The following MYO3B variants were observed in gnomAD, a reference collection of about 807,000 sequenced individuals.
MYO3B encodes myosin IIIB, also known as myosin-IIIb.
A neutral mutation model predicts 174.6 loss-of-function variants in MYO3B; 156 were observed. The ratio of observed to expected loss-of-function variants is 0.89; its 90% CI spans 0.78 to 1.02. The LOEUF (loss-of-function observed/expected upper bound fraction) is 1.02, where lower values mean the gene tolerates loss of function less well. Among genes scored for constraint, MYO3B ranks in the 50% least tolerant of loss-of-function variants. The probability of loss-of-function intolerance (pLI) is 0.00; values close to 1 mark genes in which losing one functional copy is unlikely to be tolerated. For missense variants in MYO3B, 1,632 were observed against 1,639.4 expected (o/e 1.00, Z 0.08); for synonymous variants, 563 against 569.1 (o/e 0.99, Z 0.15).
At chr2:170,198,842 TA>T (rs35483045) in intron 1 of MYO3B, among the ~76,000 whole-genome samples, 63,108 of 151,880 alleles carry the variant, frequency 0.42, 13,157 homozygotes, top group African/African-American at 0.48. Context: ...ATGTTAGACT[TA>T]ACAGTTTTCA....
chr2:170,634,215 C>G (rs1335916064), intron 32 of MYO3B, among the ~76,000 whole-genome samples: 2 of 152,218 alleles, frequency 1.3e-5, no homozygotes, highest in Admixed American at 6.5e-5. Flanking sequence ...GGACTTCAAA[C>G]AATACTACAA....
chr2:170,243,870 T>C (rs1170499263), intron 7 of MYO3B, among the ~76,000 whole-genome samples: 1 of 152,186 alleles, frequency 6.6e-6, no homozygotes, highest in Non-Finnish European at 1.5e-5. Context: ...CTACTTACAT[T>C]GCATCTATGT....
At chr2:170,431,735 G>A (rs956117806) in intron 22 of MYO3B, among the ~76,000 whole-genome samples, 1 of 152,198 alleles carries the variant, frequency 6.6e-6, no homozygotes, top group African/African-American at 2.4e-5. Flanking sequence ...GAGTGAATTT[G>A]TTATCTGTGC....
At chr2:170,400,689 C>A (rs761817051) in intron 17 of MYO3B, among the ~76,000 whole-genome samples, 1 of 149,348 alleles carries the variant, frequency 6.7e-6, no homozygotes, top group Non-Finnish European at 1.5e-5. Flanking sequence ...ATTCACCCAG[C>A]CTGCTGGTCT....
chr2:170,460,662 A>C (rs756324043), intron 23 of MYO3B, among the ~76,000 whole-genome samples: 40 of 152,194 alleles, frequency 2.6e-4, no homozygotes, highest in Non-Finnish European at 4.6e-4. Context: ...GACAGAATTT[A>C]AAGTCCTGTT....
chr2:170,280,909 T>C (rs1045381515), intron 7 of MYO3B, among the ~76,000 whole-genome samples: 3 of 152,212 alleles, frequency 2.0e-5, no homozygotes, highest in Non-Finnish European at 4.4e-5. Context: ...TTTAGTAATA[T>C]GATGCCTCCA....
chr2:170,318,039 AG>A (rs2093787985), intron 7 of MYO3B, among the ~76,000 whole-genome samples: 1 of 152,168 alleles, frequency 6.6e-6, no homozygotes, highest in Non-Finnish European at 1.5e-5. Context: ...ATTTTCCTCA[AG>A]TTTGTTTTCT....
intron 30 of MYO3B, among the ~76,000 whole-genome samples, chr2:170,542,129 G>A (rs1000399435): frequency 6.6e-6 from 1 of 152,136 alleles, no homozygotes; most frequent in African/African-American, 2.4e-5. Context: ...ACATGTGTGC[G>A]TGTGTGTGAG....
chr2:170,528,055 A>G (rs1013195815), intron 30 of MYO3B, among the ~76,000 whole-genome samples: 3 of 152,214 alleles, frequency 2.0e-5, no homozygotes, highest in Non-Finnish European at 2.9e-5. Context: ...ATTTACCTTG[A>G]GTTTGATTTG....
chr2:170,574,050 A>G (rs1455426029), intron 32 of MYO3B, among the ~76,000 whole-genome samples: 2 of 152,176 alleles, frequency 1.3e-5, no homozygotes, highest in African/African-American at 2.4e-5. Flanking sequence ...GCAGCAGCTC[A>G]AAGGAAACAA....
chr2:170,326,155 A>G (rs1200712724), intron 7 of MYO3B, among the ~76,000 whole-genome samples: 1 of 150,234 alleles, frequency 6.7e-6, no homozygotes, highest in African/African-American at 2.5e-5. Flanking sequence ...TTCTTAAAAT[A>G]CTAATCTAAT....
chr2:170,570,619 G>A (rs573955109), intron 32 of MYO3B, among the ~76,000 whole-genome samples: 1 of 152,292 alleles, frequency 6.6e-6, no homozygotes, highest in South Asian at 2.1e-4. Flanking sequence ...AGTGTTGTAA[G>A]ACACGTAACT....
Position 170,330,866 on chromosome 2 carries a change from G to C in MYO3B, c.750-4519G>C, listed in dbSNP as rs564346496. 3.5e-5 allele frequency among the ~76,000 whole-genome samples: 4 copies of C among 115,140 alleles called. No individual in the cohort carries two copies. The South Asian group carries it at 1.0e-3, about 30-fold the overall frequency. The allele number at this position is 115,140 out of a possible 152,430, so 75.5% of individuals were successfully genotyped here. The stretch of plus-strand genomic sequence containing the variant: ...TTGGAATTTGCTGATTTCCGAAAGA[G>C]CTGTTCCATATTTGTCTAATTTTAT... On this transcript the variant is annotated intron_variant, in intron 7 of 34. Coordinates refer to ENST00000408978, the MANE Select transcript of MYO3B (RefSeq NM_138995.5).
intron 7 of MYO3B, among the ~76,000 whole-genome samples, chr2:170,318,522 A>G (rs7593378): frequency 0.98 from 148,796 of 152,294 alleles, 72,770 homozygotes; most frequent in East Asian, 1. Flanking sequence ...ACTGGAAGCT[A>G]GGATGCTGAT....
At chr2:170,197,342 G>A (rs2092612375) in intron 1 of MYO3B, among the ~76,000 whole-genome samples, 1 of 152,134 alleles carries the variant, frequency 6.6e-6, no homozygotes, top group African/African-American at 2.4e-5. Flanking sequence ...TGTGCAGTAG[G>A]CAGGAAGAAC....
chr2:170,249,166 T>C (rs2093224697), intron 7 of MYO3B, among the ~76,000 whole-genome samples: 1 of 152,182 alleles, frequency 6.6e-6, no homozygotes, highest in Non-Finnish European at 1.5e-5. Flanking sequence ...GTAGCCCCTA[T>C]CCTGAGCTCT....
chr2:170,530,029 C>T (rs549491468), intron 30 of MYO3B, among the ~76,000 whole-genome samples: 1 of 152,176 alleles, frequency 6.6e-6, no homozygotes, highest in Admixed American at 6.5e-5. Context: ...GCCCTGGTCA[C>T]CTTAAATTAA....
intron 22 of MYO3B, among the ~76,000 whole-genome samples, chr2:170,425,523 G>A (rs995696770): frequency 2.0e-5 from 3 of 152,154 alleles, no homozygotes; most frequent in South Asian, 2.1e-4. Context: ...TTTGCATTTC[G>A]CAAGGGACTT....
At position 170,178,215 on chromosome 2, in the gene MYO3B, G is replaced by T. The variant is rs1284719171; in HGVS notation, c.-73G>T. 6.3e-7 allele frequency: 1 copy of T among 1,593,826 alleles called. No homozygotes were observed. Among genetic ancestry groups the T allele is most frequent in the African/African-American group, 1.3e-5 (1 of 74,546 alleles). On this transcript the variant is annotated 5_prime_UTR_variant, in exon 1 of 35. Transcript: ENST00000408978. The stretch of plus-strand genomic sequence containing the variant: ...ATCAAAGACACCATTTTCTGGGCCT[G>T]AAGTGTTCTGCTGGTTTTTGGAGGA...
Sources: gnomAD v4.1 joint callset for allele counts (sites outside exome capture counted in the v4.1 genomes callset) on GRCh38, gnomAD v4.1.1 for gene constraint, MANE v1.5 for transcripts, NCBI Gene and HGNC (gene_info 2026-07-23, HGNC 2026-07-21) for gene names.